COL24A1: variants seen among roughly 807,000 people sequenced by gnomAD.
The protein encoded by COL24A1 is collagen type XXIV alpha 1 chain.
COL24A1 carries 224 observed loss-of-function variants against 253.9 expected under a neutral mutation model. That is an observed-to-expected ratio of 0.88 (90% CI 0.79 to 0.99). COL24A1 has a LOEUF of 0.99. Ranked by LOEUF, COL24A1 falls within the 50% of genes least tolerant of loss-of-function variation. COL24A1 has a pLI of 0.00. For synonymous variants in COL24A1, 685 were observed against 673.7 expected, an observed-to-expected ratio of 1.02 and a Z score of -0.26; for missense variants, 2,131 against 2,068.5, an observed-to-expected ratio of 1.03 and a Z score of -0.59.
At chr1:85,813,449 A>G (rs2101898949) in intron 47 of COL24A1, among the ~76,000 whole-genome samples, 2 of 148,438 alleles carry the variant, frequency 1.3e-5, no homozygotes, top group South Asian at 4.2e-4. Flanking sequence ...GCCAAAGCTG[A>G]AAGACCTTTT....
intron 8 of COL24A1, 92 bp downstream of exon 8, chr1:86,063,623 T>C (rs1701266219): frequency 1.1e-6 from 1 of 907,702 alleles, no homozygotes; most frequent in Non-Finnish European, 1.6e-6. Context: ...AGAAGAAAAA[T>C]TGAAAAAATG....
At chr1:85,894,602 A>C (rs1046309266) in intron 31 of COL24A1, among the ~76,000 whole-genome samples, 1 of 152,138 alleles carries the variant, frequency 6.6e-6, no homozygotes, top group Non-Finnish European at 1.5e-5. Context: ...CACTCACTGC[A>C]ATGTATCAGC....
At chr1:86,082,432 A>G (rs953526756) in intron 7 of COL24A1, among the ~76,000 whole-genome samples, 5 of 151,988 alleles carry the variant, frequency 3.3e-5, no homozygotes, top group African/African-American at 7.2e-5. Flanking sequence ...TATCATTAGG[A>G]TAACTTCTGC....
chr1:86,091,796 A>G (rs1442343189), intron 6 of COL24A1, among the ~76,000 whole-genome samples: 1 of 152,178 alleles, frequency 6.6e-6, no homozygotes, highest in Non-Finnish European at 1.5e-5. Context: ...GTTAAAATCT[A>G]TGAATTCTGT....
At chr1:86,129,052 A>G (rs184918779) in intron 2 of COL24A1, among the ~76,000 whole-genome samples, 2 of 152,038 alleles carry the variant, frequency 1.3e-5, no homozygotes, top group Non-Finnish European at 2.9e-5. Context: ...AAACTCACCT[A>G]TAAACCAAAT....
intron 2 of COL24A1, among the ~76,000 whole-genome samples, chr1:86,130,158 T>G (rs539668999): frequency 5.3e-5 from 8 of 152,044 alleles, no homozygotes; most frequent in Admixed American, 3.3e-4. Flanking sequence ...TTACCTTAAC[T>G]GGTAGTAAGA....
At chr1:85,735,955 C>A (rs992836623) in intron 58 of COL24A1, among the ~76,000 whole-genome samples, 1 of 152,052 alleles carries the variant, frequency 6.6e-6, no homozygotes, top group Admixed American at 6.6e-5. Flanking sequence ...AAAAGAAGGG[C>A]ATACACATGG....
chr1:85,925,835 A>T (rs1337892043), intron 24 of COL24A1, among the ~76,000 whole-genome samples: 2 of 152,218 alleles, frequency 1.3e-5, no homozygotes, highest in Non-Finnish European at 1.5e-5. Flanking sequence ...GATCTAGTTA[A>T]ACTAAAGAGC....
intron 12 of COL24A1, among the ~76,000 whole-genome samples, chr1:86,036,833 T>C (rs1430963826): frequency 6.6e-6 from 1 of 152,210 alleles, no homozygotes; most frequent in African/African-American, 2.4e-5. Context: ...TTTTGTTATA[T>C]TTTCCTGGTA....
At position 85,907,235 on chromosome 1, in the gene COL24A1, C is replaced by G. The variant is rs1184776219; in HGVS notation, c.2737G>C (p.Ala913Pro). Residue 913 changes from alanine (A) to proline (P), a missense_variant, in exon 28 of 60, where the codon GCA becomes CCA. Ala to Pro is a conservative substitution (Grantham distance 27). Coordinates refer to ENST00000370571, the MANE Select transcript of COL24A1 (RefSeq NM_152890.7). ...GPLGLPGHVG[A>P]RGPPGSQGPK... is the part of the protein sequence containing the mutation. Reference sequence around the variant, plus strand: ...CCTTGACTCCCAGGTGGTCCTCTTGCCCCCACATGACCCTATATGTTGTAA... The same window carrying G: ...CCTTGACTCCCAGGTGGTCCTCTTGGCCCCACATGACCCTATATGTTGTAA... 8.1e-6 allele frequency: 13 copies of G among 1,610,766 alleles called. No homozygotes were observed. The highest frequency in any genetic ancestry group is 1.0e-5 in the Non-Finnish European group (12 of 1,177,782).
chr1:85,847,062 G>T (rs1251996077), intron 39 of COL24A1, among the ~76,000 whole-genome samples: 1 of 152,094 alleles, frequency 6.6e-6, no homozygotes, highest in African/African-American at 2.4e-5. Flanking sequence ...TAAATATTTT[G>T]CATCTCTTTC....
chr1:85,827,933 G>C lies in COL24A1; in HGVS notation c.3682-4195C>G, dbSNP rs537797305. Reference sequence around the variant, plus strand: ...TGTCTCTATTTCCTTCAGTTCTGCTGTGATTTTAGTTATTTCTTGCCTTCT... The same window carrying C: ...TGTCTCTATTTCCTTCAGTTCTGCTCTGATTTTAGTTATTTCTTGCCTTCT... On this transcript the variant is annotated intron_variant, in intron 43 of 59. Transcript: ENST00000370571. Among the ~76,000 whole-genome samples the C allele has an allele frequency of 7.9e-3, 1,199 of 152,008 alleles. 13 individuals carry two copies. The highest frequency in any genetic ancestry group is 0.027 in the African/African-American group (1,120 of 41,484).
At chr1:86,122,911 G>C (rs868847260) in intron 3 of COL24A1, among the ~76,000 whole-genome samples, 138 of 152,078 alleles carry the variant, frequency 9.1e-4, no homozygotes, top group African/African-American at 3.2e-3. Context: ...GATAAAGTTA[G>C]AATGATCATT....
intron 28 of COL24A1, among the ~76,000 whole-genome samples, chr1:85,903,101 C>T (rs1684485828): frequency 6.6e-6 from 1 of 151,948 alleles, no homozygotes; most frequent in South Asian, 2.1e-4. Context: ...AATACTTTTA[C>T]TTTATTATTT....
chr1:85,978,285 A>G (rs886974032), intron 20 of COL24A1, among the ~76,000 whole-genome samples: 2 of 152,082 alleles, frequency 1.3e-5, no homozygotes, highest in Admixed American at 6.6e-5. Flanking sequence ...TTAAAGCATA[A>G]ATCTCACAGG....
chr1:86,023,119 T>C (rs894883451), intron 14 of COL24A1, 112 bp from the exon 15 acceptor site: 3 of 813,700 alleles, frequency 3.7e-6, no homozygotes, highest in Non-Finnish European at 3.9e-6. Context: ...ACTAAGCTCC[T>C]ACACGTGCCT....
chr1:85,996,213 A>G (rs1215870616), intron 19 of COL24A1, among the ~76,000 whole-genome samples: 1 of 152,158 alleles, frequency 6.6e-6, no homozygotes, highest in African/African-American at 2.4e-5. Flanking sequence ...TTTGAGAGAA[A>G]ATAGAAATTA....
chr1:86,029,124 G>T (rs1452443164), intron 14 of COL24A1, among the ~76,000 whole-genome samples: 2 of 145,624 alleles, frequency 1.4e-5, no homozygotes, highest in Admixed American at 7.1e-5. Flanking sequence ...AATATCTACA[G>T]GTTTAACCCT....
intron 20 of COL24A1, among the ~76,000 whole-genome samples, chr1:85,980,866 G>A (rs775671649): frequency 9.2e-5 from 14 of 152,000 alleles, no homozygotes; most frequent in Non-Finnish European, 1.3e-4. Flanking sequence ...CCAAGATCAC[G>A]CCACTGCACT....
Sources: gnomAD v4.1 joint callset for allele counts (sites outside exome capture counted in the v4.1 genomes callset) on GRCh38, gnomAD v4.1.1 for gene constraint, MANE v1.5 for transcripts, NCBI Gene and HGNC (gene_info 2026-07-23, HGNC 2026-07-21) for gene names.